The following TMEM231 variants were observed in gnomAD, a reference collection of about 807,000 sequenced individuals.
TMEM231 encodes the protein transmembrane protein 231.
Under a neutral mutation model 38.5 loss-of-function variants are expected in TMEM231, and 40 were observed. The ratio of observed to expected loss-of-function variants is 1.04; its 90% CI spans 0.81 to 1.35. The LOEUF (loss-of-function observed/expected upper bound fraction) is 1.35. TMEM231 is among the 40% of genes most tolerant of loss of function. The pLI, the probability that TMEM231 is intolerant of heterozygous loss-of-function variation, is 0.00. For missense variants in TMEM231, 420 were observed against 416.9 expected (o/e 1.01, Z -0.07); for synonymous variants, 199 against 181.7 (o/e 1.10, Z -0.77).
chr16:75,551,679 T>C (rs916142299), intron 2 of TMEM231, among the ~76,000 whole-genome samples: 4 of 152,068 alleles, frequency 2.6e-5, no homozygotes, highest in Admixed American at 6.6e-5. Flanking sequence ...ATAAGCAAAA[T>C]AGGTCGGGGC....
intron 2 of TMEM231, 185 bp downstream of exon 2, chr16:75,555,619 A>G: frequency 3.6e-6 from 2 of 556,100 alleles, no homozygotes; most frequent in East Asian, 6.7e-5. Context: ...TGGGAGAAGC[A>G]GAATGAAACA....
intron 3 of TMEM231, 130 bp from the exon 4 acceptor site, chr16:75,545,625 C>T: frequency 1.5e-6 from 1 of 645,814 alleles, no homozygotes; most frequent in Non-Finnish European, 2.5e-6. Context: ...GCAGGAAACA[C>T]TGCCTAGAAC....
intron 2 of TMEM231, chr16:75,555,274 G>C (rs2080797695): frequency 6.5e-6 from 1 of 153,846 alleles, no homozygotes; most frequent in South Asian, 2.1e-4. Context: ...TCTCCAATGG[G>C]ACAAACCCAG....
In TMEM231 at chr16:75,537,076, C is replaced by G. The variant is rs1460725108; in HGVS notation, c.*2918G>C. Reference sequence around the variant, plus strand: ...GGTAGAGGCTGCAATGAGCTGAGATCATGCTGCTGCACTCCAGCCTGGGTA... The same window carrying G: ...GGTAGAGGCTGCAATGAGCTGAGATGATGCTGCTGCACTCCAGCCTGGGTA... On this transcript the variant is annotated 3_prime_UTR_variant, in exon 7 of 7. Coordinates refer to ENST00000258173, the MANE Select transcript of TMEM231 (RefSeq NM_001077418.3). The G allele has an allele frequency of 7.1e-6, 1 of 140,368 alleles. No individual in the cohort carries two copies. Among genetic ancestry groups the G allele is most frequent in the Non-Finnish European group, 1.5e-5 (1 of 66,270 alleles). The allele number at this position is 140,368 out of a possible 1,614,324, so 8.7% of individuals were successfully genotyped here.
At chr16:75,554,545 CAAAA>C (rs1185694717) in intron 2 of TMEM231, among the ~76,000 whole-genome samples, 3 of 94,118 alleles carry the variant, frequency 3.2e-5, no homozygotes, top group Non-Finnish European at 4.7e-5. Flanking sequence ...GACTGTGTCT[CAAAA>C]AAAAAAAAAA....
Position 75,537,267 on chromosome 16 carries a change from C to G in TMEM231, c.*2727G>C, listed in dbSNP as rs901556305. On this transcript the variant is annotated 3_prime_UTR_variant, in exon 7 of 7. Transcript: ENST00000258173. ...ATATACGAAACCCATACATATACCC[C>G]ATGAGTCTACAATAAAAGTTGGAAG... 2.4e-5 allele frequency: 3 copies of G among 123,156 alleles called. No homozygotes were observed. Among genetic ancestry groups the G allele is most frequent in the Non-Finnish European group, 3.1e-5 (2 of 63,940 alleles). The allele number at this position is 123,156 out of a possible 1,614,324, so 7.6% of individuals were successfully genotyped here.
At chr16:75,542,511 T>A (rs760372866) in intron 5 of TMEM231, 91 bp downstream of exon 5, 3 of 1,090,358 alleles carry the variant, frequency 2.8e-6, no homozygotes, top group Non-Finnish European at 4.3e-6. Flanking sequence ...GACATTTTCA[T>A]CACAAGGGTT....
At chr16:75,553,930 T>C (rs2080786533) in intron 2 of TMEM231, among the ~76,000 whole-genome samples, 1 of 152,162 alleles carries the variant, frequency 6.6e-6, no homozygotes, top group African/African-American at 2.4e-5. Flanking sequence ...GCATTCTCTA[T>C]TGAGTTCCCA....
chr16:75,552,315 G>A (rs954831429), intron 2 of TMEM231, among the ~76,000 whole-genome samples: 1 of 152,064 alleles, frequency 6.6e-6, no homozygotes, highest in African/African-American at 2.4e-5. Flanking sequence ...TGAGCCAGGC[G>A]TAGTGGCAGG....
chr16:75,543,188 G>A (rs554175406), intron 4 of TMEM231, among the ~76,000 whole-genome samples: 15 of 151,976 alleles, frequency 9.9e-5, no homozygotes, highest in East Asian at 5.8e-4. Context: ...GTTCAAGGCC[G>A]TAGTCAATGA....
At chr16:75,541,673 G>A (rs765892410) in intron 5 of TMEM231, 7 of 339,768 alleles carry the variant, frequency 2.1e-5, no homozygotes, top group Non-Finnish European at 3.8e-5. Context: ...AACTTGGAAA[G>A]AGTTTCTTCT....
At chr16:75,540,623 G>C (rs2550910) in intron 6 of TMEM231, among the ~76,000 whole-genome samples, 39,872 of 152,084 alleles carry the variant, frequency 0.26, 5,424 homozygotes, top group Middle Eastern at 0.33. Context: ...CTTCTCTGCA[G>C]TGTTGGTGTT....
chr16:75,542,930 AAT>A (rs1288118456), intron 4 of TMEM231, among the ~76,000 whole-genome samples: 5 of 152,228 alleles, frequency 3.3e-5, no homozygotes, highest in Non-Finnish European at 7.3e-5. Context: ...TTCAAAGATG[AAT>A]AAACTCTCTT....
chr16:75,548,219 A>T (rs1017822989), intron 2 of TMEM231, among the ~76,000 whole-genome samples: 4 of 152,228 alleles, frequency 2.6e-5, no homozygotes, highest in South Asian at 2.1e-4. Context: ...AAATTATTTT[A>T]AAAATTCCAA....
intron 2 of TMEM231, among the ~76,000 whole-genome samples, chr16:75,554,376 C>T (rs1466545358): frequency 6.6e-6 from 1 of 151,868 alleles, no homozygotes; most frequent in Non-Finnish European, 1.5e-5. Context: ...ACCAGCCTGG[C>T]CAACATAGTG....
chr16:75,545,424 T>C lies in TMEM231; in HGVS notation c.510A>G (p.Leu170=), dbSNP rs1335128278. The change falls in exon 4 of 7, where the codon TTA becomes TTG. Residue 170 remains leucine, a synonymous_variant. Transcript: ENST00000258173. ...GCAGCCTCAGGTCTCCGTTCACGTA[T>C]AACTGGGATCCCGGGACAGGAAAGG... ...QSSFPVPGSQ[L]YVNGDLRLQQ... 11 of 1,607,656 alleles carry C rather than the reference T, an allele frequency of 6.8e-6. No individual in the cohort carries two copies. Among genetic ancestry groups the C allele is most frequent in the African/African-American group, 4.1e-5 (3 of 74,040 alleles).
chr16:75,541,574 C>T (rs1433925392), intron 5 of TMEM231, 119 bp from the exon 6 acceptor site: 7 of 555,644 alleles, frequency 1.3e-5, no homozygotes, highest in Middle Eastern at 2.8e-4. Context: ...AGAAATCATT[C>T]GGAAGGAAAG....
At chr16:75,555,730 C>G in intron 2 of TMEM231, 74 bp downstream of exon 2, 2 of 1,404,426 alleles carry the variant, frequency 1.4e-6, no homozygotes, top group Admixed American at 3.0e-5. Context: ...GGCCGCTCGC[C>G]CCACATCCTC....
At chr16:75,541,575 G>A (rs1462959174) in intron 5 of TMEM231, 120 bp from the exon 6 acceptor site, 2 of 555,584 alleles carry the variant, frequency 3.6e-6, no homozygotes, top group Non-Finnish European at 6.0e-6. Flanking sequence ...GAAATCATTC[G>A]GAAGGAAAGA....
Sources: gnomAD v4.1 joint callset for allele counts (sites outside exome capture counted in the v4.1 genomes callset) on GRCh38, gnomAD v4.1.1 for gene constraint, MANE v1.5 for transcripts, NCBI Gene and HGNC (gene_info 2026-07-23, HGNC 2026-07-21) for gene names.